Variants in ZC3H3 observed in about 807,000 individuals in gnomAD.
ZC3H3 encodes zinc finger CCCH domain-containing protein 3.
In ZC3H3, 36 loss-of-function variants were observed where a neutral mutation model predicts 77.3. That is an observed-to-expected ratio of 0.47 (90% confidence interval 0.36 to 0.61). The LOEUF (loss-of-function observed/expected upper bound fraction) is 0.61. Ranked by LOEUF, ZC3H3 falls within the 20% of genes least tolerant of loss-of-function variation. The pLI, the probability that ZC3H3 is intolerant of heterozygous loss-of-function variation, is 0.00. For missense variants in ZC3H3, 1,331 were observed against 1,312.2 expected (o/e 1.01, Z -0.22); for synonymous variants, 626 against 555.2 (o/e 1.13, Z -1.79).
At chr8:143,504,955 T>A (rs907445424) in intron 4 of ZC3H3, among the ~76,000 whole-genome samples, 2 of 152,172 alleles carry the variant, frequency 1.3e-5, no homozygotes, top group African/African-American at 4.8e-5. Flanking sequence ...ATGCTAAGGC[T>A]CTGAGGGCAA....
At chr8:143,505,908 C>CA (rs1821677364) in intron 4 of ZC3H3, among the ~76,000 whole-genome samples, 1 of 152,224 alleles carries the variant, frequency 6.6e-6, no homozygotes, top group Non-Finnish European at 1.5e-5. Context: ...CCAGGGCACT[C>CA]AGAGAGTCAC....
chr8:143,517,167 A>G (rs2130452194), intron 3 of ZC3H3, among the ~76,000 whole-genome samples: 1 of 152,334 alleles, frequency 6.6e-6, no homozygotes, highest in East Asian at 1.9e-4. Flanking sequence ...TGCGCGAGCC[A>G]TCGATCGCAC....
At chr8:143,451,614 T>A (rs1471863659) in intron 9 of ZC3H3, among the ~76,000 whole-genome samples, 1 of 151,626 alleles carries the variant, frequency 6.6e-6, no homozygotes, top group Non-Finnish European at 1.5e-5. Context: ...TGACACCCTG[T>A]CTCTACTAAA....
intron 4 of ZC3H3, among the ~76,000 whole-genome samples, chr8:143,491,643 A>G (rs1158951197): frequency 1.3e-5 from 2 of 151,642 alleles, no homozygotes; most frequent in African/African-American, 4.9e-5. Context: ...TACAGAGAGG[A>G]CCCCCCTGTC....
At chr8:143,481,897 G>A (rs1820917824) in intron 4 of ZC3H3, among the ~76,000 whole-genome samples, 1 of 152,256 alleles carries the variant, frequency 6.6e-6, no homozygotes, top group Non-Finnish European at 1.5e-5. Flanking sequence ...CCGAGGCAAT[G>A]CCCAGGCCCT....
intron 5 of ZC3H3, among the ~76,000 whole-genome samples, chr8:143,469,915 C>T (rs1295005797): frequency 6.6e-6 from 1 of 152,204 alleles, no homozygotes; most frequent in Non-Finnish European, 1.5e-5. Flanking sequence ...GAGGTGACAT[C>T]ACTCAGAAAT....
rs924902034 is a variant in ZC3H3, at chr8:143,462,505, C to A, written c.2307+3212G>T. Among the ~76,000 whole-genome samples the A allele has an allele frequency of 6.6e-6, 1 of 152,224 alleles. No homozygotes were observed. The highest frequency in any genetic ancestry group is 2.4e-5 in the African/African-American group (1 of 41,444). The stretch of plus-strand genomic sequence containing the variant: ...TGTATGTGAACAAAACCAAGACAGG[C>A]GCTGTCCAGAGGACACAGGAGCCCT... On this transcript the variant is annotated intron_variant, in intron 9 of 11. Transcript: ENST00000262577. This position sits in a 1 kb window ranked among gnomAD's most constrained non-coding sequence, Gnocchi z 4.7.
Position 143,501,854 on chromosome 8 carries a change from G to A in ZC3H3, c.1715+5892C>T, listed in dbSNP as rs141530413. Among the ~76,000 whole-genome samples the A allele has an allele frequency of 2.6e-5, 4 of 152,368 alleles. No homozygotes were observed. The East Asian group carries it at 5.8e-4, about 22-fold the overall frequency. On this transcript the variant is annotated intron_variant, in intron 4 of 11. Transcript: ENST00000262577. The stretch of plus-strand genomic sequence containing the variant: ...TCCTCTGACTGGCACACCCTTTGAG[G>A]CACATCAGAAGATGGCGAGAACCCT...
intron 9 of ZC3H3, among the ~76,000 whole-genome samples, chr8:143,452,617 G>A (rs768440248): frequency 4.0e-5 from 6 of 151,624 alleles, no homozygotes; most frequent in Non-Finnish European, 8.9e-5. Context: ...GAAATAGAAA[G>A]TATCAACAGA....
Position 143,438,093 on chromosome 8 carries a change from CAA to C in ZC3H3, c.2816-8_2816-7del. ...TTTGATGTGCAGAGGCTTCCCTATGCAAAGAGGGCAAAAGTTAGGTGCCCGGA... is the reference window on the plus strand; with the variant it reads ...TTTGATGTGCAGAGGCTTCCCTATGCAGAGGGCAAAAGTTAGGTGCCCGGA... On this transcript the variant is annotated splice_polypyrimidine_tract_variant and splice_region_variant and intron_variant, in intron 11 of 11. Coordinates refer to ENST00000262577, the MANE Select transcript of ZC3H3 (RefSeq NM_015117.3). 1 of 1,608,670 alleles carries C rather than the reference CAA, an allele frequency of 6.2e-7. No homozygotes were observed. The highest frequency in any genetic ancestry group is 8.5e-7 in the Non-Finnish European group (1 of 1,177,742).
At chr8:143,490,323 G>A (rs554588584) in intron 4 of ZC3H3, among the ~76,000 whole-genome samples, 23 of 152,286 alleles carry the variant, frequency 1.5e-4, no homozygotes, top group Non-Finnish European at 2.6e-4. Flanking sequence ...CCAGGCTAAG[G>A]ACTCCCACCC....
intron 3 of ZC3H3, among the ~76,000 whole-genome samples, chr8:143,525,999 G>T (rs1353855607): frequency 6.6e-6 from 1 of 152,226 alleles, no homozygotes; most frequent in Admixed American, 6.5e-5. Context: ...AGCCCAGGGT[G>T]CTGGCACTGG....
At chr8:143,536,544 A>G (rs1427106283) in intron 2 of ZC3H3, 91 bp from the exon 3 acceptor site, 4 of 1,318,734 alleles carry the variant, frequency 3.0e-6, no homozygotes, top group Non-Finnish European at 4.0e-6. Context: ...GCGTGGGAGC[A>G]GCTCCTGAAG....
At chr8:143,467,645 G>A (rs1322011744) in intron 8 of ZC3H3, among the ~76,000 whole-genome samples, 2 of 152,176 alleles carry the variant, frequency 1.3e-5, no homozygotes, top group Non-Finnish European at 2.9e-5. Flanking sequence ...GTCCCCCCCA[G>A]CCCCAGGGCT....
chr8:143,438,537 C>CT (rs1563828663), intron 11 of ZC3H3, among the ~76,000 whole-genome samples: 1 of 152,164 alleles, frequency 6.6e-6, no homozygotes, highest in Non-Finnish European at 1.5e-5. Context: ...TGCACACAAG[C>CT]TGTGGCGGGG....
In ZC3H3 at chr8:143,533,824, C is replaced by T. The variant is rs545253736; in HGVS notation, c.1561+2433G>A. Reference sequence around the variant, plus strand: ...CCGAGTAGATGGGATTACAGACGCTCGCCACCACACCCAGCTAATTTTTGT... The same window carrying T: ...CCGAGTAGATGGGATTACAGACGCTTGCCACCACACCCAGCTAATTTTTGT... On this transcript the variant is annotated intron_variant, in intron 3 of 11. Transcript: ENST00000262577. The surrounding 1 kb of genome is among the most constrained non-coding windows in gnomAD (Gnocchi z 4.0). 5.3e-5 allele frequency among the ~76,000 whole-genome samples: 8 copies of T among 152,110 alleles called. No homozygotes were observed. The highest frequency in any genetic ancestry group is 9.6e-5 in the African/African-American group (4 of 41,522).
chr8:143,536,013 AG>A (rs1822783202), intron 3 of ZC3H3, among the ~76,000 whole-genome samples: 1 of 152,188 alleles, frequency 6.6e-6, no homozygotes, highest in Non-Finnish European at 1.5e-5. Context: ...GTCCATACCA[AG>A]GGACACACAG....
chr8:143,447,696 G>A (rs1455688437), intron 9 of ZC3H3, among the ~76,000 whole-genome samples: 2 of 152,226 alleles, frequency 1.3e-5, no homozygotes, highest in Non-Finnish European at 2.9e-5. Context: ...ATGGCAGAAG[G>A]TGAAGTGGGA....
intron 9 of ZC3H3, among the ~76,000 whole-genome samples, chr8:143,450,205 G>A (rs752567959): frequency 7.2e-5 from 11 of 152,026 alleles, no homozygotes; most frequent in African/African-American, 1.9e-4. Flanking sequence ...TTATTGAGAC[G>A]GTGTCTTACT....
Sources: allele counts gnomAD v4.1 joint callset (sites outside exome capture counted in the v4.1 genomes callset), GRCh38; gene constraint gnomAD v4.1.1; non-coding constraint Gnocchi (gnomAD v3.1); transcripts MANE v1.5; gene names NCBI Gene and HGNC (gene_info 2026-07-23, HGNC 2026-07-21).